DNAH14: variants seen among roughly 807,000 people sequenced by gnomAD.
DNAH14 encodes dynein axonemal heavy chain 14.
Under a neutral mutation model 520.9 loss-of-function variants are expected in DNAH14, and 478 were observed. That is an observed-to-expected ratio of 0.92 (90% confidence interval 0.85 to 0.99). The LOEUF (loss-of-function observed/expected upper bound fraction) is 0.99, where lower values mean the gene tolerates loss of function less well. Among genes scored for constraint, DNAH14 ranks in the 50% least tolerant of loss-of-function variants. The probability of loss-of-function intolerance (pLI) is 0.00; values close to 1 mark genes in which losing one functional copy is unlikely to be tolerated. For missense variants in DNAH14, 4,831 were observed against 5,234.5 expected (o/e 0.92, Z 2.38); for synonymous variants, 1,581 against 1,757.2 (o/e 0.90, Z 2.51).
At chr1:225,335,826 T>C (rs574915877) in intron 66 of DNAH14, among the ~76,000 whole-genome samples, 1 of 105,930 alleles carries the variant, frequency 9.4e-6, no homozygotes, top group Non-Finnish European at 1.9e-5. Context: ...TACATACACA[T>C]ATGTACATAT....
chr1:225,299,729 T>C (rs1478715563), intron 55 of DNAH14, among the ~76,000 whole-genome samples: 1 of 152,222 alleles, frequency 6.6e-6, no homozygotes, highest in Admixed American at 6.5e-5. Flanking sequence ...TTTCCCACAC[T>C]TTCCAGGCTT....
chr1:225,294,853 C>T (rs1285960109), intron 55 of DNAH14, among the ~76,000 whole-genome samples: 1 of 151,398 alleles, frequency 6.6e-6, no homozygotes, highest in Non-Finnish European at 1.5e-5. Context: ...TAGAATTCAG[C>T]AGTGAGGCCA....
chr1:225,258,236 A>G (rs1308208863), intron 45 of DNAH14, 118 bp downstream of exon 45: 7 of 995,664 alleles, frequency 7.0e-6, no homozygotes, highest in African/African-American at 3.4e-5. Flanking sequence ...AGTTTTGGTT[A>G]CTATATTAAT....
At position 224,952,567 on chromosome 1, in the gene DNAH14, C is replaced by T. The variant is rs2060247190; in HGVS notation, c.-33-103C>T. The T allele has an allele frequency of 5.5e-6, 3 of 544,682 alleles. No homozygotes were observed. The Admixed American group carries it at 1.2e-4, about 21-fold the overall frequency. The allele number at this position is 544,682 out of a possible 1,614,324, so 33.7% of individuals were successfully genotyped here. ...AAGGCAGTCAGGATATTATATTAAG[C>T]CTATTGAGAAGCTGGGAACTATATA... On this transcript the variant is annotated intron_variant, in intron 1 of 85. Transcript: ENST00000682510.
At chr1:225,340,340 A>G (rs1329003037) in intron 68 of DNAH14, 117 bp from the exon 69 acceptor site, 1 of 1,135,680 alleles carries the variant, frequency 8.8e-7, no homozygotes, top group Non-Finnish European at 1.2e-6. Context: ...ACAAAGCTGA[A>G]AAACACTAAA....
At chr1:225,171,767 T>G (rs1345594252) in intron 36 of DNAH14, among the ~76,000 whole-genome samples, 2 of 152,208 alleles carry the variant, frequency 1.3e-5, no homozygotes, top group Non-Finnish European at 2.9e-5. Flanking sequence ...CTAACTCATT[T>G]TATGAGGCCA....
intron 5 of DNAH14, among the ~76,000 whole-genome samples, chr1:224,965,948 A>G (rs2061141962): frequency 6.6e-6 from 1 of 152,182 alleles, no homozygotes; most frequent in African/African-American, 2.4e-5. Context: ...CTTGTTTTTA[A>G]TTGAAAAAAT....
chr1:224,962,933 TTACACAAGGGGAA>T (rs1412395439), intron 4 of DNAH14, among the ~76,000 whole-genome samples: 1 of 152,146 alleles, frequency 6.6e-6, no homozygotes, highest in Admixed American at 6.6e-5. Flanking sequence ...TTTCACGATA[TTACACAAGGGGAA>T]TACCCTTGCC....
chr1:225,053,802 G>A (rs913359908), intron 17 of DNAH14, among the ~76,000 whole-genome samples: 1 of 152,168 alleles, frequency 6.6e-6, no homozygotes, highest in Non-Finnish European at 1.5e-5. Context: ...TAATATTCAA[G>A]TACGGATAAC....
At chr1:225,197,376 C>T (rs961817783) in intron 38 of DNAH14, among the ~76,000 whole-genome samples, 1 of 150,990 alleles carries the variant, frequency 6.6e-6, no homozygotes, top group African/African-American at 2.4e-5. Flanking sequence ...TTTCTGGATT[C>T]TCTATATTTT....
intron 83 of DNAH14, 62 bp downstream of exon 83, chr1:225,389,935 C>G: frequency 6.9e-7 from 1 of 1,444,298 alleles, no homozygotes; most frequent in Non-Finnish European, 9.5e-7. Flanking sequence ...CTCAGTCCTT[C>G]TGTCACTCAC....
At chr1:225,366,615 AAAGG>A (rs1423404382) in intron 76 of DNAH14, among the ~76,000 whole-genome samples, 11 of 152,172 alleles carry the variant, frequency 7.2e-5, no homozygotes, top group African/African-American at 2.7e-4. Flanking sequence ...AGGATGTTTG[AAAGG>A]CAGACATGCC....
intron 69 of DNAH14, among the ~76,000 whole-genome samples, chr1:225,345,435 G>T (rs2095271673): frequency 6.6e-6 from 1 of 152,204 alleles, no homozygotes; most frequent in Admixed American, 6.5e-5. Context: ...GAAGGGAATA[G>T]ATTTATTATC....
At chr1:225,100,505 GGTT>G (rs1386106011) in intron 22 of DNAH14, among the ~76,000 whole-genome samples, 1 of 152,036 alleles carries the variant, frequency 6.6e-6, no homozygotes, top group Non-Finnish European at 1.5e-5. Context: ...GTTAAATGAT[GGTT>G]GTTGTGTCTA....
At chr1:225,306,828 G>A (rs2094254201) in intron 58 of DNAH14, among the ~76,000 whole-genome samples, 1 of 151,982 alleles carries the variant, frequency 6.6e-6, no homozygotes, top group African/African-American at 2.4e-5. Flanking sequence ...CTTATATCCA[G>A]CAAGCATATC....
intron 84 of DNAH14, 53 bp downstream of exon 84, chr1:225,392,504 T>G (rs2095931808): frequency 6.5e-7 from 1 of 1,541,364 alleles, no homozygotes; most frequent in South Asian, 1.2e-5. Flanking sequence ...CATTCATTTA[T>G]TCATTCAATC....
chr1:225,259,539 A>G (rs545025780), intron 46 of DNAH14, among the ~76,000 whole-genome samples: 1 of 152,314 alleles, frequency 6.6e-6, no homozygotes, highest in South Asian at 2.1e-4. Flanking sequence ...TTCACATACC[A>G]TTACCTCACA....
intron 42 of DNAH14, among the ~76,000 whole-genome samples, chr1:225,233,621 GC>G (rs2091320910): frequency 1.3e-5 from 2 of 151,744 alleles, no homozygotes; most frequent in Non-Finnish European, 2.9e-5. Context: ...CATGTCTTTT[GC>G]CCATTTTTTA....
rs144804518 is a variant in DNAH14 at position 225,327,197 on chromosome 1, G to T, written c.9723+2365G>T. Among the ~76,000 whole-genome samples, 8 of 149,238 alleles carry T rather than the reference G, an allele frequency of 5.4e-5. No homozygotes were observed. In the East Asian group the frequency reaches 1.2e-3, roughly 22 times the overall value. On this transcript the variant is annotated intron_variant, in intron 64 of 85. Transcript: ENST00000682510. ...TTTTGAGACGGAGTCTTGCACTCTC[G>T]CCCAGGCTGAAGTGCAGAGGCGCGA...
Sources: gnomAD v4.1 joint callset for allele counts (sites outside exome capture counted in the v4.1 genomes callset) on GRCh38, gnomAD v4.1.1 for gene constraint, MANE v1.5 for transcripts, NCBI Gene and HGNC (gene_info 2026-07-23, HGNC 2026-07-21) for gene names.